The following FBF1 variants were observed in gnomAD, a reference collection of about 807,000 sequenced individuals.
The protein encoded by FBF1 is Fas binding factor 1.
Under a neutral mutation model 147.2 loss-of-function variants are expected in FBF1, and 119 were observed. The observed-to-expected ratio is 0.81, with a 90% CI of 0.70 to 0.94. The LOEUF (loss-of-function observed/expected upper bound fraction) is 0.94. Ranked by LOEUF, FBF1 falls within the 40% of genes least tolerant of loss-of-function variation. The pLI is 0.00. For missense variants in FBF1, 1,449 were observed against 1,500.8 expected, an observed-to-expected ratio of 0.97 and a Z score of 0.57; for synonymous variants, 601 against 609.0, an observed-to-expected ratio of 0.99 and a Z score of 0.19.
Position 75,919,603 on chromosome 17 carries a change from G to T in FBF1, c.2138+65C>A. The T allele has an allele frequency of 6.6e-7, 1 of 1,522,266 alleles. No homozygotes were observed. The allele number at this position is 1,522,266 out of a possible 1,614,324, so 94.3% of individuals were successfully genotyped here. ...CTGAGCCACAGCGAAGGGTCTCGTGGGGATGGCTCTCTTCCGGCTACTCCT... is the reference window on the plus strand; with the variant it reads ...CTGAGCCACAGCGAAGGGTCTCGTGTGGATGGCTCTCTTCCGGCTACTCCT... On this transcript the variant is annotated intron_variant, in intron 20 of 29. Transcript: ENST00000636174. This position sits in a 1 kb window ranked among gnomAD's most constrained non-coding sequence, Gnocchi z 5.0.
rs2065451394 is a variant in FBF1, at chr17:75,910,644, T to C, written c.*79A>G. The C allele has an allele frequency of 7.7e-7, 1 of 1,292,608 alleles. No individual in the cohort carries two copies. The allele number at this position is 1,292,608 out of a possible 1,614,324, so 80.1% of individuals were successfully genotyped here. A position where few individuals can be genotyped will look rare whatever the true frequency, so the allele number is the denominator to read the frequency against. Reference sequence around the variant, plus strand: ...GCATCTCAGAATCCTCCCCAGGCACTGCCTCCATGGAGGCAGCCGGAGGAA... The same window carrying C: ...GCATCTCAGAATCCTCCCCAGGCACCGCCTCCATGGAGGCAGCCGGAGGAA... On this transcript the variant is annotated 3_prime_UTR_variant, in exon 30 of 30. Coordinates refer to ENST00000636174, the MANE Select transcript of FBF1 (RefSeq NM_001319193.2). This position sits in a 1 kb window ranked among gnomAD's most constrained non-coding sequence, Gnocchi z 4.1.
At chr17:75,932,725 A>C (rs2065601346) in intron 5 of FBF1, among the ~76,000 whole-genome samples, 1 of 152,110 alleles carries the variant, frequency 6.6e-6, no homozygotes, top group Non-Finnish European at 1.5e-5. Flanking sequence ...GTCTCTACTA[A>C]AAATACAAAA....
intron 1 of FBF1, among the ~76,000 whole-genome samples, chr17:75,938,555 CAAAAAAAA>C (rs34602242): frequency 1.7e-5 from 1 of 58,886 alleles, no homozygotes. Context: ...GACTCCATCT[CAAAAAAAA>C]AAAAAAAAAA....
Position 75,933,042 on chromosome 17 carries a change from G to A in FBF1, c.120C>T (p.Asp40=). 6.2e-7 allele frequency: 1 copy of A among 1,608,880 alleles called. No homozygotes were observed. Among genetic ancestry groups the A allele is most frequent in the Non-Finnish European group, 8.5e-7 (1 of 1,175,788 alleles). ...GGAACATCTGAGATACACCTGTGGT[G>A]TCTCTGGTATGTGAAGCTAGTTTAA... The part of the protein sequence containing the change: ...KPVKLASHTR[D]TTGVSQMFPS... The change falls in exon 5 of 30, where the codon GAC becomes GAT. Residue 40 remains aspartate (D), a synonymous_variant. Coordinates refer to ENST00000636174, the MANE Select transcript of FBF1 (RefSeq NM_001319193.2).
At chr17:75,927,834 C>T (rs1160470208) in intron 8 of FBF1, among the ~76,000 whole-genome samples, 1 of 152,170 alleles carries the variant, frequency 6.6e-6, no homozygotes, top group East Asian at 1.9e-4. Flanking sequence ...CAGGAGCTGC[C>T]CATGTTGGAC....
chr17:75,931,150 G>T, intron 6 of FBF1, 79 bp downstream of exon 6: 1 of 1,453,104 alleles, frequency 6.9e-7, no homozygotes, highest in South Asian at 1.2e-5. Flanking sequence ...ACCCTTCCGT[G>T]GGCAGCCCCT....
At chr17:75,935,863 C>T (rs1247951513) in intron 3 of FBF1, among the ~76,000 whole-genome samples, 190 bp from the exon 4 acceptor site, 4 of 152,152 alleles carry the variant, frequency 2.6e-5, no homozygotes, top group Non-Finnish European at 5.9e-5. Flanking sequence ...TGTTGAAATA[C>T]CCCGAGGCAG....
chr17:75,929,945 ACCCCAC>A, intron 7 of FBF1, 46 bp downstream of exon 7: 1 of 650,910 alleles, frequency 1.5e-6, no homozygotes, highest in Non-Finnish European at 2.8e-6. Flanking sequence ...AAATATCATG[ACCCCAC>A]CCCACCCACC....
Position 75,928,146 on chromosome 17 carries a change from A to G in FBF1, c.327T>C (p.Asn109=), listed in dbSNP as rs754299638. Residue 109 remains asparagine, a synonymous_variant, in exon 8 of 30, where the codon AAT becomes AAC. Coordinates refer to ENST00000636174, the MANE Select transcript of FBF1 (RefSeq NM_001319193.2). The surrounding 1 kb of genome is among the most constrained non-coding windows in gnomAD (Gnocchi z 4.2). ...TTGCAGCTTTTTTGCTAGGGGCTGA[A>G]TTAGATTTCTTCAGACCTAAGATAT... The part of the protein sequence containing the change: ...DADILGLKKS[N]SAPSKKAAKD... The G allele has an allele frequency of 3.8e-5, 62 of 1,613,790 alleles. 1 individual carries two copies. The South Asian group carries it at 5.4e-4, about 14-fold the overall frequency.
Position 75,918,006 on chromosome 17 carries a change from G to T in FBF1, c.2311C>A (p.Arg771Ser), listed in dbSNP as rs752208402. 7 of 1,612,562 alleles carry T rather than the reference G, an allele frequency of 4.3e-6. No homozygotes were observed. In the South Asian group the frequency reaches 6.6e-5, roughly 15 times the overall value. The change falls in exon 22 of 30, where the codon CGC becomes AGC. Residue 771 changes from arginine to serine, a missense_variant. Transcript: ENST00000636174. This position sits in a 1 kb window ranked among gnomAD's most constrained non-coding sequence, Gnocchi z 5.8. Reference protein sequence around the residue: ...FSSSLHELSSRVEASHLTTSQ... With the variant: ...FSSSLHELSSSVEASHLTTSQ... The stretch of plus-strand genomic sequence containing the variant: ...GTGGTGAGGTGCGAGGCCTCCACGC[G>T]GGAGGACAACTCGTGCAGGCTGCTG...
At position 75,909,843 on chromosome 17, in the gene FBF1, G is replaced by A. The variant is rs1239432420; in HGVS notation, c.*880C>T. 8.7e-6 allele frequency: 6 copies of A among 690,236 alleles called. No homozygotes were observed. The highest frequency in any genetic ancestry group is 2.0e-5 in the Admixed American group (1 of 48,866). 42.8% of individuals were successfully genotyped at this position (690,236 alleles called of 1,614,324 possible). A position where few individuals can be genotyped will look rare whatever the true frequency, so the allele number is the denominator to read the frequency against. On this transcript the variant is annotated 3_prime_UTR_variant, in exon 30 of 30. Transcript: ENST00000636174. Reference sequence around the variant, plus strand: ...CTAAGAAATAAGTATAAACTCCGATGAGCCATGGCAAAAGCAGTTTTTTTA... The same window carrying A: ...CTAAGAAATAAGTATAAACTCCGATAAGCCATGGCAAAAGCAGTTTTTTTA...
rs375749150 is a variant in FBF1, at chr17:75,923,222, T to C, written c.1388A>G (p.His463Arg). 282 of 1,592,824 alleles carry C rather than the reference T, an allele frequency of 1.8e-4. 2 individuals carry two copies. The highest frequency in any genetic ancestry group is 1.7e-4 in the Middle Eastern group (1 of 5,968). The change falls in exon 14 of 30, where the codon CAT becomes CGT. Residue 463 changes from histidine to arginine, a missense_variant. Transcript: ENST00000636174. The surrounding 1 kb of genome is among the most constrained non-coding windows in gnomAD (Gnocchi z 4.1). ...GGGATGGCCCGCTGTCCCCGCCAAATGCAGGCCCTCAGAGGTCCCAGCATG... is the reference window on the plus strand; with the variant it reads ...GGGATGGCCCGCTGTCCCCGCCAAACGCAGGCCCTCAGAGGTCCCAGCATG... Reference protein sequence around the residue: ...EQHAGTSEGLHLAGTAGHPPS... With the variant: ...EQHAGTSEGLRLAGTAGHPPS...
chr17:75,928,283 G>A lies in FBF1; in HGVS notation c.280-90C>T, dbSNP rs1395114925. On this transcript the variant is annotated intron_variant, in intron 7 of 29. Coordinates refer to ENST00000636174, the MANE Select transcript of FBF1 (RefSeq NM_001319193.2). The surrounding 1 kb of genome is among the most constrained non-coding windows in gnomAD (Gnocchi z 4.2). ...GAGAGATGGGCTGTTGGCACCCCAGGTGTAGAATTGTGAGAAAACAAAGGA... is the reference window on the plus strand; with the variant it reads ...GAGAGATGGGCTGTTGGCACCCCAGATGTAGAATTGTGAGAAAACAAAGGA... 3.8e-5 allele frequency: 35 copies of A among 932,918 alleles called. No homozygotes were observed. In the East Asian group the frequency reaches 8.3e-4, roughly 22 times the overall value. 57.8% of individuals were successfully genotyped at this position (932,918 alleles called of 1,614,324 possible).
At chr17:75,940,257 T>C (rs2144207163) in intron 1 of FBF1, among the ~76,000 whole-genome samples, 1 of 150,416 alleles carries the variant, frequency 6.6e-6, no homozygotes, top group East Asian at 2.0e-4. Context: ...CTTTTTTTTT[T>C]TTCCAGACAG....
chr17:75,919,208 T>G lies in FBF1; in HGVS notation c.2138+460A>C, dbSNP rs938326010. Among the ~76,000 whole-genome samples the G allele has an allele frequency of 4.6e-5, 7 of 152,202 alleles. No homozygotes were observed. The highest frequency in any genetic ancestry group is 7.2e-5 in the African/African-American group (3 of 41,454). ...AGGTGTGAGCCACTGCACCCGGCCCTGAGCAGTCTTAAAAGGCTGCCTCTG... is the reference window on the plus strand; with the variant it reads ...AGGTGTGAGCCACTGCACCCGGCCCGGAGCAGTCTTAAAAGGCTGCCTCTG... On this transcript the variant is annotated intron_variant, in intron 20 of 29. Coordinates refer to ENST00000636174, the MANE Select transcript of FBF1 (RefSeq NM_001319193.2). This position sits in a 1 kb window ranked among gnomAD's most constrained non-coding sequence, Gnocchi z 5.0.
At position 75,919,883 on chromosome 17, in the gene FBF1, A is replaced by G; in HGVS notation, c.1932-9T>C. 6.2e-7 allele frequency: 1 copy of G among 1,613,680 alleles called. No homozygotes were observed. Among genetic ancestry groups the G allele is most frequent in the Non-Finnish European group, 8.5e-7 (1 of 1,179,874 alleles). On this transcript the variant is annotated splice_polypyrimidine_tract_variant and intron_variant, in intron 19 of 29. Transcript: ENST00000636174. The surrounding 1 kb of genome is among the most constrained non-coding windows in gnomAD (Gnocchi z 5.0). ...GCACCTTGATGCGGCTTCTGCCAAC[A>G]GAACACCCAGCCATGGCGCAAGGAA...
Position 75,919,563 on chromosome 17 carries a change from C to T in FBF1, c.2138+105G>A, listed in dbSNP as rs1419377001. 6.1e-6 allele frequency: 8 copies of T among 1,317,576 alleles called. No individual in the cohort carries two copies. Among genetic ancestry groups the T allele is most frequent in the Non-Finnish European group, 8.3e-6 (8 of 963,244 alleles). The allele number at this position is 1,317,576 out of a possible 1,614,324, so 81.6% of individuals were successfully genotyped here. ...TGGACTGGGAGGGAAGGACCCAACC[C>T]CTGTCCAAAGGCTGCTGAGCCACAG... On this transcript the variant is annotated intron_variant, in intron 20 of 29. Transcript: ENST00000636174. This position sits in a 1 kb window ranked among gnomAD's most constrained non-coding sequence, Gnocchi z 5.0.
rs777332503 is a variant in FBF1, at chr17:75,920,030, C to A, written c.1908G>T (p.Leu636=). ...ACCTGTGTGCACTCTCGATGAGCTCCAGGTCTGCCTGGTGCTGCTGCTGCA... is the reference window on the plus strand; with the variant it reads ...ACCTGTGTGCACTCTCGATGAGCTCAAGGTCTGCCTGGTGCTGCTGCTGCA... ...GSLQQQHQAD[L]ELIESAHRSR... The change falls in exon 19 of 30, where the codon CTG becomes CTT. Residue 636 remains leucine (L), a synonymous_variant. Transcript: ENST00000636174. 3.1e-6 allele frequency: 5 copies of A among 1,604,950 alleles called. No individual in the cohort carries two copies. Among genetic ancestry groups the A allele is most frequent in the Non-Finnish European group, 4.3e-6 (5 of 1,176,018 alleles).
intron 28 of FBF1, among the ~76,000 whole-genome samples, chr17:75,912,912 T>C (rs2065464195): frequency 1.3e-5 from 2 of 152,072 alleles, no homozygotes; most frequent in Non-Finnish European, 2.9e-5. Flanking sequence ...TGGTAGCACA[T>C]GCCTGTAATC....
Sources: gnomAD v4.1 joint callset for allele counts (sites outside exome capture counted in the v4.1 genomes callset) on GRCh38, gnomAD v4.1.1 for gene constraint, Gnocchi (gnomAD v3.1) non-coding constraint, MANE v1.5 for transcripts, NCBI Gene and HGNC (gene_info 2026-07-23, HGNC 2026-07-21) for gene names.